Variants in PTPN22 observed in about 807,000 individuals in gnomAD.
The protein encoded by PTPN22 is protein tyrosine phosphatase non-receptor type 22, also known as tyrosine-protein phosphatase non-receptor type 22.
A neutral mutation model predicts 103.3 loss-of-function variants in PTPN22; 85 were observed. That is an observed-to-expected ratio of 0.82 (90% CI 0.69 to 0.99). The LOEUF is 0.99. Among genes scored for constraint, PTPN22 ranks in the 50% least tolerant of loss-of-function variants. The pLI is 0.00. For missense variants in PTPN22, 865 were observed against 936.9 expected (o/e 0.92, Z 1.00); for synonymous variants, 323 against 310.2 (o/e 1.04, Z -0.43).
intron 3 of PTPN22, 44 bp downstream of exon 3, chr1:113,858,958 G>T: frequency 3.1e-6 from 5 of 1,587,936 alleles, no homozygotes; most frequent in Admixed American, 1.8e-5. Context: ...CTTTTTTTGG[G>T]TATCTAGAGA....
chr1:113,857,878 C>A, intron 4 of PTPN22, 102 bp from the exon 5 acceptor site: 1 of 1,109,474 alleles, frequency 9.0e-7, no homozygotes, highest in Non-Finnish European at 1.3e-6. Context: ...GTTCTTTTTT[C>A]TGTTTTGTCG....
chr1:113,865,014 GGAAGCATGGCAAGGAC>G (rs1380812114), intron 1 of PTPN22, among the ~76,000 whole-genome samples: 1 of 152,222 alleles, frequency 6.6e-6, no homozygotes, highest in Non-Finnish European at 1.5e-5. Context: ...CTATGGCAGA[GGAAGCATGGCAAGGAC>G]AAGAAAATGA....
chr1:113,827,366 T>G (rs1456728231), intron 18 of PTPN22, among the ~76,000 whole-genome samples: 2 of 152,186 alleles, frequency 1.3e-5, no homozygotes, highest in African/African-American at 4.8e-5. Flanking sequence ...CCACTGTTAG[T>G]TTTTTATCCT....
intron 19 of PTPN22, among the ~76,000 whole-genome samples, chr1:113,822,722 G>A (rs1661714839): frequency 6.6e-6 from 1 of 152,146 alleles, no homozygotes; most frequent in Non-Finnish European, 1.5e-5. Context: ...AGCACTTTGG[G>A]AGGCCGAGGT....
At chr1:113,822,019 T>C (rs1220966356) in intron 19 of PTPN22, among the ~76,000 whole-genome samples, 2 of 152,062 alleles carry the variant, frequency 1.3e-5, no homozygotes, top group Non-Finnish European at 2.9e-5. Context: ...TAAAGAGTTA[T>C]TTTTTTTCCA....
intron 20 of PTPN22, among the ~76,000 whole-genome samples, chr1:113,818,075 C>T (rs1391002277): frequency 6.6e-6 from 1 of 151,962 alleles, no homozygotes; most frequent in East Asian, 1.9e-4. Flanking sequence ...TAGGCATGAA[C>T]CACCTGGCTT....
chr1:113,828,261 G>A (rs1281047758), intron 18 of PTPN22, among the ~76,000 whole-genome samples: 1 of 151,948 alleles, frequency 6.6e-6, no homozygotes, highest in Non-Finnish European at 1.5e-5. Flanking sequence ...TTATTTAGCT[G>A]AATTTATCTA....
At chr1:113,838,594 C>A in exon 12 of PTPN22, 1 of 1,613,536 alleles carries the variant, frequency 6.2e-7, no homozygotes, top group Non-Finnish European at 8.5e-7. Flanking sequence ...TGTGATTTTT[C>A]TCAGGAATAC....
At chr1:113,857,627 G>T in intron 5 of PTPN22, 111 bp downstream of exon 5, 1 of 953,394 alleles carries the variant, frequency 1.0e-6, no homozygotes, top group Non-Finnish European at 1.6e-6. Flanking sequence ...AAACTATGAA[G>T]ATGACATAAG....
rs753497291 is a variant in PTPN22 at position 113,825,139 on chromosome 1, TACTC to T, written c.2280_2281+2del. ...ATATTTTTAAACATAAGTACCAACTTACTCTTTTTCATGTTTCGCAAAATTTTCA... is the reference window on the plus strand; with the variant it reads ...ATATTTTTAAACATAAGTACCAACTTTTTTTCATGTTTCGCAAAATTTTCA... On this transcript the variant is annotated splice_donor_variant and coding_sequence_variant, in exon 19 of 21. Coordinates refer to ENST00000359785, the Ensembl canonical transcript of PTPN22. LOFTEE classifies it high-confidence loss of function. The T allele has an allele frequency of 2.0e-6, 3 of 1,502,000 alleles. No individual in the cohort carries two copies. Among genetic ancestry groups the T allele is most frequent in the Non-Finnish European group, 2.7e-6 (3 of 1,096,998 alleles). The allele number at this position is 1,502,000 out of a possible 1,614,324, so 93.0% of individuals were successfully genotyped here.
chr1:113,871,512 T>C lies in PTPN22; in HGVS notation c.87+25A>G, dbSNP rs1666581496. 3 of 1,597,850 alleles carry C rather than the reference T, an allele frequency of 1.9e-6. No individual in the cohort carries two copies. The South Asian group carries it at 3.3e-5, about 18-fold the overall frequency. On this transcript the variant is annotated intron_variant, in intron 1 of 20. Transcript: ENST00000359785. ...AGTTAAATAGTGTATGTAACTACCCTGAGAGGGTCACATACAGGACTCACC... is the reference window on the plus strand; with the variant it reads ...AGTTAAATAGTGTATGTAACTACCCCGAGAGGGTCACATACAGGACTCACC...
intron 11 of PTPN22, among the ~76,000 whole-genome samples, chr1:113,844,701 T>G (rs1663898210): frequency 6.6e-6 from 1 of 152,248 alleles, no homozygotes; most frequent in East Asian, 1.9e-4. Flanking sequence ...TGTGTTTCTT[T>G]ATTTCCTTTG....
chr1:113,844,929 C>T (rs958785981), intron 11 of PTPN22, among the ~76,000 whole-genome samples: 3 of 152,092 alleles, frequency 2.0e-5, no homozygotes. Context: ...AGCAATCCTC[C>T]CACCTCAGCC....
At chr1:113,864,189 A>C (rs1220578794) in intron 1 of PTPN22, 1 of 434,058 alleles carries the variant, frequency 2.3e-6, no homozygotes, top group Non-Finnish European at 4.6e-6. Context: ...GGTGCTAATA[A>C]GAACTTACAA....
In PTPN22 at chr1:113,857,722, CT is replaced by C; in HGVS notation, c.408+15del. 1 of 1,608,418 alleles carries C rather than the reference CT, an allele frequency of 6.2e-7. No homozygotes were observed. Among genetic ancestry groups the C allele is most frequent in the Non-Finnish European group, 8.5e-7 (1 of 1,175,758 alleles). On this transcript the variant is annotated intron_variant, in intron 5 of 20. Transcript: ENST00000359785. ...TCCTTTGTTTTAAGGTCAGCAGGTA[CT>C]AGAAAGTAACTTACCTTTCCCATTT...
chr1:113,823,432 C>G (rs1268119287), intron 19 of PTPN22: 2 of 152,242 alleles, frequency 1.3e-5, no homozygotes, highest in Non-Finnish European at 2.9e-5. Context: ...GAAGTACAGT[C>G]TAAAGCTTCA....
chr1:113,846,736 G>A (rs889775966), intron 11 of PTPN22, among the ~76,000 whole-genome samples: 2 of 152,024 alleles, frequency 1.3e-5, no homozygotes, highest in East Asian at 3.9e-4. Context: ...GTAAAACTCT[G>A]GATTGACAGT....
intron 11 of PTPN22, among the ~76,000 whole-genome samples, chr1:113,840,237 A>AT (rs1491359056): frequency 7.3e-5 from 11 of 151,438 alleles, no homozygotes; most frequent in Non-Finnish European, 1.6e-4. Context: ...AAAAAAAAAA[A>AT]TTGGAAAAAA....
At chr1:113,851,724 A>G (rs949424413) in intron 10 of PTPN22, among the ~76,000 whole-genome samples, 4 of 152,224 alleles carry the variant, frequency 2.6e-5, no homozygotes, top group African/African-American at 9.6e-5. Flanking sequence ...TTTCAAGTCC[A>G]CAAGTCAGTT....
Sources: allele counts gnomAD v4.1 joint callset (sites outside exome capture counted in the v4.1 genomes callset), GRCh38; gene constraint gnomAD v4.1.1; transcripts MANE v1.5; gene names NCBI Gene and HGNC (gene_info 2026-07-23, HGNC 2026-07-21).